Variants in ITGB7 observed in about 807,000 individuals in gnomAD.
The protein encoded by ITGB7 is integrin beta-7.
Under a neutral mutation model 83.4 loss-of-function variants are expected in ITGB7, and 55 were observed. The ratio of observed to expected loss-of-function variants is 0.66; its 90% confidence interval spans 0.53 to 0.83. The LOEUF (loss-of-function observed/expected upper bound fraction) is 0.83, where lower values mean the gene tolerates loss of function less well. Ranked by LOEUF, ITGB7 falls within the 40% of genes least tolerant of loss-of-function variation. The pLI is 0.00. For synonymous variants in ITGB7, 454 were observed against 423.6 expected (o/e 1.07, Z -0.88); for missense variants, 921 against 1,046.7 (o/e 0.88, Z 1.66).
intron 1 of ITGB7, among the ~76,000 whole-genome samples, chr12:53,203,665 A>C (rs1427686060): frequency 7.3e-6 from 1 of 137,538 alleles, no homozygotes; most frequent in Non-Finnish European, 1.6e-5. Flanking sequence ...AAAAAAAAAA[A>C]AAAAAAGAAA....
At chr12:53,203,671 AG>A (rs1228011670) in intron 1 of ITGB7, among the ~76,000 whole-genome samples, 13 of 135,720 alleles carry the variant, frequency 9.6e-5, no homozygotes, top group African/African-American at 2.9e-4. Flanking sequence ...AAAAAAAAAA[AG>A]AAAGAAAGAA....
At chr12:53,197,335 T>A in intron 5 of ITGB7, 158 bp downstream of exon 5, 1 of 782,628 alleles carries the variant, frequency 1.3e-6, no homozygotes. Context: ...AAGATGGGTG[T>A]CTAGGGAGAG....
At chr12:53,203,903 T>C (rs1403088859) in intron 1 of ITGB7, among the ~76,000 whole-genome samples, 1 of 152,148 alleles carries the variant, frequency 6.6e-6, no homozygotes, top group South Asian at 2.1e-4. Flanking sequence ...GCAATTTCAC[T>C]CTTAGGTATA....
At position 53,192,754 on chromosome 12, in the gene ITGB7, T is replaced by A. The variant is rs750039139; in HGVS notation, c.1883A>T (p.Asp628Val). The A allele has an allele frequency of 6.2e-7, 1 of 1,614,206 alleles. No homozygotes were observed. The highest frequency in any genetic ancestry group is 8.5e-7 in the Non-Finnish European group (1 of 1,180,042). Reference protein sequence around the residue: ...RCKCNRCQCLDGYYGALCDQC... With the variant: ...RCKCNRCQCLVGYYGALCDQC... The stretch of plus-strand genomic sequence containing the variant: ...GTCGCATAGAGCACCATAGTAGCCG[T>A]CCAAGCACTGGCAGCGGTTGCATTT... Residue 628 changes from aspartate (D) to valine (V), a missense_variant, in exon 13 of 16, where the codon GAC (aspartate) becomes GTC (valine). Asp to Val is a radical substitution (Grantham distance 152). Transcript: ENST00000267082.
chr12:53,194,290 T>C lies in ITGB7; in HGVS notation c.1216A>G (p.Ile406Val). The change falls in exon 10 of 16, where the codon ATT becomes GTT. Residue 406 changes from isoleucine to valine, a missense_variant. Transcript: ENST00000267082. ...CCCTCACACTGGGATTCGTAAGAAA[T>C]GTGGACCCCAGGAGGGAGTGAAGAG... ...EHSSLPPGVH[I>V]SYESQCEGPE... is the part of the protein sequence containing the mutation. The C allele has an allele frequency of 6.2e-7, 1 of 1,613,892 alleles. No homozygotes were observed. Among genetic ancestry groups the C allele is most frequent in the Non-Finnish European group, 8.5e-7 (1 of 1,179,942 alleles).
chr12:53,194,072 T>A (rs1942069489), intron 10 of ITGB7, 126 bp downstream of exon 10: 1 of 1,429,180 alleles, frequency 7.0e-7, no homozygotes, highest in African/African-American at 1.4e-5. Flanking sequence ...CCAGGAAGGA[T>A]GGATGGAGGA....
At chr12:53,207,144 C>G (rs1942461360) in intron 1 of ITGB7, 58 bp downstream of exon 1, 1 of 152,768 alleles carries the variant, frequency 6.5e-6, no homozygotes. Context: ...AGGTTGGGAC[C>G]AGGTGGGCCA....
In ITGB7 at chr12:53,191,502, C is replaced by T. The variant is rs1187292436; in HGVS notation, c.*54G>A. On this transcript the variant is annotated 3_prime_UTR_variant, in exon 16 of 16. Transcript: ENST00000267082. Reference sequence around the variant, plus strand: ...CAGACCCACCCTTCCTCTCACCCTCCAGTTCCCACTGTCCTCCAAGGAGAA... The same window carrying T: ...CAGACCCACCCTTCCTCTCACCCTCTAGTTCCCACTGTCCTCCAAGGAGAA... 2.1e-5 allele frequency: 30 copies of T among 1,403,552 alleles called. No homozygotes were observed. Among genetic ancestry groups the T allele is most frequent in the Non-Finnish European group, 2.9e-5 (29 of 988,186 alleles). The allele number at this position is 1,403,552 out of a possible 1,614,324, so 86.9% of individuals were successfully genotyped here. A position where few individuals can be genotyped will look rare whatever the true frequency, so the allele number is the denominator to read the frequency against.
chr12:53,193,092 T>G, intron 12 of ITGB7, 48 bp downstream of exon 12: 1 of 1,531,938 alleles, frequency 6.5e-7, no homozygotes, highest in Middle Eastern at 1.8e-4. Flanking sequence ...CCTAAGTGCC[T>G]TGGGAAGGCC....
chr12:53,204,558 A>C (rs1264572379), intron 1 of ITGB7, among the ~76,000 whole-genome samples: 1 of 152,082 alleles, frequency 6.6e-6, no homozygotes, highest in Non-Finnish European at 1.5e-5. Flanking sequence ...TGGTTACCAG[A>C]GCTTGGGAGA....
At chr12:53,196,429 A>T in intron 6 of ITGB7, 150 bp downstream of exon 6, 1 of 1,162,300 alleles carries the variant, frequency 8.6e-7, no homozygotes, top group Non-Finnish European at 1.2e-6. Flanking sequence ...AAGATATTTT[A>T]CTCCAACCCA....
chr12:53,193,539 CA>C (rs1774120707), intron 11 of ITGB7, 168 bp downstream of exon 11: 3 of 749,954 alleles, frequency 4.0e-6, no homozygotes, highest in East Asian at 2.7e-5. Flanking sequence ...GAGCCCCAGT[CA>C]GGGGGAGGGC....
intron 3 of ITGB7, 79 bp downstream of exon 3, chr12:53,200,164 A>G: frequency 4.1e-6 from 5 of 1,232,848 alleles, no homozygotes; most frequent in Non-Finnish European, 5.8e-6. Flanking sequence ...ACAATCACAC[A>G]CATATATCCA....
chr12:53,193,538 T>G, intron 11 of ITGB7, 170 bp downstream of exon 11: 1 of 748,268 alleles, frequency 1.3e-6, no homozygotes, highest in Non-Finnish European at 2.2e-6. Flanking sequence ...GGAGCCCCAG[T>G]CAGGGGGAGG....
chr12:53,201,805 G>A (rs148787635), intron 1 of ITGB7, among the ~76,000 whole-genome samples: 111 of 152,116 alleles, frequency 7.3e-4, no homozygotes, highest in Middle Eastern at 3.4e-3. Flanking sequence ...CCCAGTGCTG[G>A]TGAGAAGACA....
At chr12:53,197,292 T>TAGTC in intron 5 of ITGB7, 1 of 656,608 alleles carries the variant, frequency 1.5e-6, no homozygotes, top group Non-Finnish European at 2.8e-6. Context: ...GTAAAACGGA[T>TAGTC]AGTCTCTTGA....
At chr12:53,199,872 C>T (rs1048887714) in intron 3 of ITGB7, among the ~76,000 whole-genome samples, 13 of 152,118 alleles carry the variant, frequency 8.5e-5, no homozygotes, top group Non-Finnish European at 1.3e-4. Flanking sequence ...TATGGCAGCC[C>T]GCACTGGGTA....
rs1240836259 is a variant in ITGB7, at chr12:53,194,213, G to A, written c.1293C>T (p.Val431=). The part of the protein sequence containing the change: ...KAEDRGQCNH[V]RINQTVTFWV... ...TGGCTCTCACCGTCTGGTTGATTCG[G>A]ACGTGGTTGCACTGTCCTCGATCCT... Residue 431 remains valine, a synonymous_variant, in exon 10 of 16, where the codon GTC becomes GTT. Transcript: ENST00000267082. 6.2e-7 allele frequency: 1 copy of A among 1,614,000 alleles called. No homozygotes were observed. The highest frequency in any genetic ancestry group is 1.1e-5 in the South Asian group (1 of 91,080).
chr12:53,192,359 G>T lies in ITGB7; in HGVS notation c.2126C>A (p.Thr709Lys), dbSNP rs536329362. 1 of 1,614,014 alleles carries T rather than the reference G, an allele frequency of 6.2e-7. No individual in the cohort carries two copies. Among genetic ancestry groups the T allele is most frequent in the Non-Finnish European group, 8.5e-7 (1 of 1,180,022 alleles). The change falls in exon 14 of 16, where the codon ACG (threonine) becomes AAG (lysine). Residue 709 changes from threonine to lysine, a missense_variant. Thr to Lys is a moderately conservative substitution (Grantham distance 78). Transcript: ENST00000267082. ...TTGGGGTCTCACTCTGAGCACGACCGTGCCTCTGGCGTCATCCTCCACCAA... is the reference window on the plus strand; with the variant it reads ...TTGGGGTCTCACTCTGAGCACGACCTTGCCTCTGGCGTCATCCTCCACCAA... ...FFLVEDDARG[T>K]VVLRVRPQEK...
Sources: allele counts gnomAD v4.1 joint callset (sites outside exome capture counted in the v4.1 genomes callset), GRCh38; gene constraint gnomAD v4.1.1; transcripts MANE v1.5; gene names NCBI Gene and HGNC (gene_info 2026-07-23, HGNC 2026-07-21).